The following ROBO2 variants were observed in gnomAD, a reference collection of about 807,000 sequenced individuals.
ROBO2 encodes the protein roundabout guidance receptor 2.
A neutral mutation model predicts 160.8 loss-of-function variants in ROBO2; 53 were observed. The observed-to-expected ratio is 0.33, with a 90% CI of 0.26 to 0.41. The LOEUF (loss-of-function observed/expected upper bound fraction) is 0.41. Among genes scored for constraint, ROBO2 ranks in the 10% least tolerant of loss-of-function variants. The pLI, the probability that ROBO2 is intolerant of heterozygous loss-of-function variation, is 1.00. For missense variants in ROBO2, 1,577 were observed against 1,722.4 expected (o/e 0.92, Z 1.49); for synonymous variants, 664 against 611.7 (o/e 1.09, Z -1.26).
chr3:76,702,446 AAAAC>A (rs201656155), intron 2 of ROBO2, among the ~76,000 whole-genome samples: 3,785 of 152,082 alleles, frequency 0.025, 149 homozygotes, highest in African/African-American at 0.081. Context: ...GTTCATATAC[AAAAC>A]AAACAAACAA....
chr3:76,678,249 A>G (rs2092464624), intron 2 of ROBO2, among the ~76,000 whole-genome samples: 1 of 151,980 alleles, frequency 6.6e-6, no homozygotes, highest in Admixed American at 6.6e-5. Flanking sequence ...GGGGTTACAG[A>G]TGTGAGCCAA....
chr3:75,978,576 T>C (rs1421010706), intron 2 of ROBO2, among the ~76,000 whole-genome samples: 1 of 151,496 alleles, frequency 6.6e-6, no homozygotes, highest in African/African-American at 2.4e-5. Context: ...TTAAAATTAC[T>C]GTAGTTATGT....
chr3:77,264,496 T>C (rs925355748), intron 2 of ROBO2, among the ~76,000 whole-genome samples: 4 of 152,200 alleles, frequency 2.6e-5, no homozygotes, highest in African/African-American at 7.2e-5. Context: ...TATTCTACTT[T>C]ACTCAGCCAT....
intron 2 of ROBO2, among the ~76,000 whole-genome samples, chr3:77,126,697 G>GAT (rs148247989): frequency 4.0e-4 from 57 of 141,864 alleles, no homozygotes; most frequent in South Asian, 3.2e-3. Context: ...AATATGGGTG[G>GAT]ATATATATAT....
intron 2 of ROBO2, among the ~76,000 whole-genome samples, chr3:76,449,021 T>A (rs1017785945): frequency 6.6e-6 from 1 of 152,086 alleles, no homozygotes; most frequent in Non-Finnish European, 1.5e-5. Context: ...AACGGAAATA[T>A]AAATTTTAGT....
chr3:77,632,471 T>C, intron 23 of ROBO2: 3 of 1,526,044 alleles, frequency 2.0e-6, no homozygotes, highest in South Asian at 2.4e-5. Context: ...CATTTGTTTT[T>C]AGGTTCAATG....
intron 2 of ROBO2, among the ~76,000 whole-genome samples, chr3:76,478,519 C>T (rs9838326): frequency 0.52 from 78,470 of 151,490 alleles, 20,547 homozygotes; most frequent in East Asian, 0.6. Context: ...TTACACCTTA[C>T]ACAAAAATTA....
chr3:76,710,578 G>A (rs909681105), intron 2 of ROBO2, among the ~76,000 whole-genome samples: 11 of 152,192 alleles, frequency 7.2e-5, no homozygotes, highest in Non-Finnish European at 1.5e-4. Flanking sequence ...ATGCCTTGGA[G>A]TTATGGAGAC....
At chr3:76,345,778 A>T (rs908820862) in intron 2 of ROBO2, among the ~76,000 whole-genome samples, 1 of 152,058 alleles carries the variant, frequency 6.6e-6, no homozygotes, top group Non-Finnish European at 1.5e-5. Context: ...AAATTATTGA[A>T]TTGCTGAAAG....
At chr3:76,490,754 A>G (rs1246620350) in intron 2 of ROBO2, among the ~76,000 whole-genome samples, 3 of 152,202 alleles carry the variant, frequency 2.0e-5, no homozygotes, top group Admixed American at 2.0e-4. Flanking sequence ...AAAGTGTTGA[A>G]TGTCTATCGC....
Position 77,393,388 on chromosome 3 carries a change from C to T in ROBO2, c.389-84026C>T, listed in dbSNP as rs561179589. Among the ~76,000 whole-genome samples the T allele has an allele frequency of 5.3e-5, 8 of 151,956 alleles. No homozygotes were observed. The East Asian group carries it at 9.7e-4, about 18-fold the overall frequency. Reference sequence around the variant, plus strand: ...GGTGAACAGCATTAACTAAAACTTCCGGAAGACAAAGCATCATAAGTATAA... The same window carrying T: ...GGTGAACAGCATTAACTAAAACTTCTGGAAGACAAAGCATCATAAGTATAA... On this transcript the variant is annotated intron_variant, in intron 2 of 25. Transcript: ENST00000461745.
At chr3:76,345,874 C>T (rs971511469) in intron 2 of ROBO2, among the ~76,000 whole-genome samples, 1 of 151,956 alleles carries the variant, frequency 6.6e-6, no homozygotes, top group African/African-American at 2.4e-5. Flanking sequence ...TAAAGCGTAC[C>T]AAACTCCAAG....
chr3:77,607,403 C>A (rs540026861), intron 20 of ROBO2, among the ~76,000 whole-genome samples: 2 of 152,200 alleles, frequency 1.3e-5, no homozygotes, highest in South Asian at 4.2e-4. Flanking sequence ...TATCCTTAGA[C>A]CTTGCATTTT....
chr3:77,084,866 G>C (rs1163460576), intron 1 of ROBO2, among the ~76,000 whole-genome samples: 1 of 152,118 alleles, frequency 6.6e-6, no homozygotes, highest in Non-Finnish European at 1.5e-5. Context: ...CCATTCAGCA[G>C]AAAAATAAGC....
At chr3:77,281,883 A>C (rs1392830454) in intron 2 of ROBO2, among the ~76,000 whole-genome samples, 3 of 152,110 alleles carry the variant, frequency 2.0e-5, no homozygotes, top group Non-Finnish European at 4.4e-5. Flanking sequence ...TTCTATGAGA[A>C]TCTAATGCCG....
At chr3:77,255,872 G>A (rs2058376493) in intron 2 of ROBO2, among the ~76,000 whole-genome samples, 1 of 152,208 alleles carries the variant, frequency 6.6e-6, no homozygotes, top group African/African-American at 2.4e-5. Context: ...TGTGAGAATG[G>A]AAGGCTTCCA....
At chr3:76,940,656 G>C (rs1365709844) in intron 2 of ROBO2, among the ~76,000 whole-genome samples, 1 of 152,176 alleles carries the variant, frequency 6.6e-6, no homozygotes, top group African/African-American at 2.4e-5. Flanking sequence ...AATGCCCTCA[G>C]TAACATTCCT....
intron 2 of ROBO2, among the ~76,000 whole-genome samples, chr3:77,023,632 A>G (rs187283314): frequency 3.3e-5 from 5 of 152,344 alleles, no homozygotes; most frequent in East Asian, 3.9e-4. Flanking sequence ...GAACTGAAAC[A>G]TTCTGCTAAA....
intron 5 of ROBO2, among the ~76,000 whole-genome samples, chr3:77,495,782 C>G (rs2086710624): frequency 6.6e-6 from 1 of 152,178 alleles, no homozygotes; most frequent in East Asian, 1.9e-4. Context: ...TGTTAATTTT[C>G]AAACACTGAG....
Sources: allele counts gnomAD v4.1 joint callset (sites outside exome capture counted in the v4.1 genomes callset), GRCh38; gene constraint gnomAD v4.1.1; transcripts MANE v1.5; gene names NCBI Gene and HGNC (gene_info 2026-07-23, HGNC 2026-07-21).